The following SYT16 variants were observed in gnomAD, a reference collection of about 807,000 sequenced individuals.
The protein encoded by SYT16 is synaptotagmin 16.
Under a neutral mutation model 61.4 loss-of-function variants are expected in SYT16, and 42 were observed. The observed-to-expected ratio is 0.68, with a 90% CI of 0.53 to 0.89. The LOEUF (loss-of-function observed/expected upper bound fraction) is 0.89. SYT16 is among the 40% of genes least tolerant of loss of function. The probability of loss-of-function intolerance (pLI) is 0.00; values close to 1 mark genes in which losing one functional copy is unlikely to be tolerated. For missense variants in SYT16, 804 were observed against 807.3 expected (o/e 1.00, Z 0.05); for synonymous variants, 314 against 302.3 (o/e 1.04, Z -0.40).
intron 1 of SYT16, among the ~76,000 whole-genome samples, chr14:61,820,846 T>C (rs934954475): frequency 6.6e-6 from 1 of 152,212 alleles, no homozygotes; most frequent in African/African-American, 2.4e-5. Flanking sequence ...TTAAAAAAGC[T>C]TAATATGCTA....
chr14:61,907,741 TCA>T (rs1297482323), intron 1 of SYT16, among the ~76,000 whole-genome samples: 1 of 152,208 alleles, frequency 6.6e-6, no homozygotes, highest in Admixed American at 6.5e-5. Flanking sequence ...GTTTTATGAA[TCA>T]CACAGGTAAC....
intron 1 of SYT16, among the ~76,000 whole-genome samples, chr14:61,945,731 CT>C (rs1566704599): frequency 6.6e-6 from 1 of 151,814 alleles, no homozygotes; most frequent in African/African-American, 2.4e-5. Context: ...TGGCGGGTGC[CT>C]GTAGTCCCAG....
In SYT16 at chr14:61,832,054, C is replaced by G. The variant is rs148310364; in HGVS notation, c.-325+19244C>G. The G allele has an allele frequency of 1.3e-4, 94 of 709,976 alleles. No individual in the cohort carries two copies. The African/African-American group carries it at 1.5e-3, about 12-fold the overall frequency. 44.0% of individuals were successfully genotyped at this position (709,976 alleles called of 1,614,324 possible). On this transcript the variant is annotated intron_variant, in intron 1 of 7. Transcript: ENST00000683842. ...GTGAAGCCAAGGAAGAACATGGCAG[C>G]GCCCACAACCGTCTTCCACTCGTTC... is the stretch of plus-strand genomic sequence containing the variant.
At chr14:61,940,593 A>C (rs1444235796) in intron 1 of SYT16, among the ~76,000 whole-genome samples, 1 of 152,190 alleles carries the variant, frequency 6.6e-6, no homozygotes, top group Non-Finnish European at 1.5e-5. Context: ...TAATAATTTC[A>C]ATGTCTTAGG....
At chr14:61,833,839 TAAGGTGC>T (rs924069809) in intron 1 of SYT16, among the ~76,000 whole-genome samples, 22 of 151,650 alleles carry the variant, frequency 1.5e-4, no homozygotes, top group Non-Finnish European at 2.7e-4. Flanking sequence ...GACTGTTCTT[TAAGGTGC>T]AGGGCTTTAT....
Position 62,062,693 on chromosome 14 carries a change from T to A in SYT16, c.524-6910T>A, listed in dbSNP as rs183718713. Among the ~76,000 whole-genome samples the A allele has an allele frequency of 9.2e-4, 140 of 152,264 alleles. 1 individual carries two copies. The highest frequency in any genetic ancestry group is 4.6e-4 in the African/African-American group (19 of 41,564). On this transcript the variant is annotated intron_variant, in intron 3 of 7. Transcript: ENST00000683842. ...TTGATCTCCCTTCTGCTTTTTTTTT[T>A]ATCCTTATTTCTATCCTTATCCAAC...
At chr14:62,098,193 A>G (rs555267886) in intron 7 of SYT16, among the ~76,000 whole-genome samples, 1 of 152,348 alleles carries the variant, frequency 6.6e-6, no homozygotes, top group Non-Finnish European at 1.5e-5. Context: ...AATTACAGAG[A>G]TCTGCGTTTA....
intron 6 of SYT16, among the ~76,000 whole-genome samples, chr14:62,081,979 G>T (rs762066137): frequency 1.3e-5 from 2 of 152,206 alleles, no homozygotes; most frequent in Non-Finnish European, 2.9e-5. Flanking sequence ...AACTAAGCAG[G>T]CGATGCCTCT....
intron 1 of SYT16, among the ~76,000 whole-genome samples, chr14:61,939,452 G>C (rs974187013): frequency 1.3e-5 from 2 of 152,194 alleles, no homozygotes; most frequent in African/African-American, 2.4e-5. Context: ...TTTTCTCACA[G>C]TCCTGGAGGA....
At position 62,110,933 on chromosome 14, in the gene SYT16, C is replaced by A. The variant is rs2057597939; in HGVS notation, c.*10226C>A. The A allele has an allele frequency of 6.6e-6, 1 of 152,014 alleles. No individual in the cohort carries two copies. Among genetic ancestry groups the A allele is most frequent in the African/African-American group, 2.4e-5 (1 of 41,418 alleles). The allele number at this position is 152,014 out of a possible 1,614,324, so 9.4% of individuals were successfully genotyped here. A position where few individuals can be genotyped will look rare whatever the true frequency, so the allele number is the denominator to read the frequency against. ...ATCAAACTTGTCCATCTCTCCCCTC[C>A]CAAGTGACTTTCCTCACTCATGTAA... On this transcript the variant is annotated 3_prime_UTR_variant, in exon 8 of 8. Transcript: ENST00000683842.
At chr14:61,992,337 T>C (rs1370095385) in intron 2 of SYT16, among the ~76,000 whole-genome samples, 3 of 152,120 alleles carry the variant, frequency 2.0e-5, no homozygotes, top group Non-Finnish European at 2.9e-5. Context: ...CATAGGACTT[T>C]ACAGCGAGGA....
chr14:61,924,686 A>G (rs1184838642), intron 1 of SYT16, among the ~76,000 whole-genome samples: 1 of 152,106 alleles, frequency 6.6e-6, no homozygotes, highest in Non-Finnish European at 1.5e-5. Context: ...CCTCTTGCTT[A>G]TGAGAGACCT....
At chr14:62,012,001 TA>T (rs535698274) in intron 3 of SYT16, among the ~76,000 whole-genome samples, 2,780 of 113,884 alleles carry the variant, frequency 0.024, 49 homozygotes, top group South Asian at 0.036. Flanking sequence ...TCCTGCATGT[TA>T]AAAAAAAAAC....
chr14:61,920,672 C>A (rs2049299718), intron 1 of SYT16, among the ~76,000 whole-genome samples: 1 of 152,116 alleles, frequency 6.6e-6, no homozygotes. Flanking sequence ...TCTCTCACTC[C>A]CAAATTGTTG....
At chr14:61,913,595 A>G (rs961264370) in intron 1 of SYT16, among the ~76,000 whole-genome samples, 1 of 152,112 alleles carries the variant, frequency 6.6e-6, no homozygotes, top group Non-Finnish European at 1.5e-5. Context: ...ATGGAAATGA[A>G]AGAAAATATA....
chr14:62,100,543 A>T lies in SYT16; in HGVS notation c.1774A>T (p.Met592Leu). 6.2e-7 allele frequency: 1 copy of T among 1,613,842 alleles called. No individual in the cohort carries two copies. The highest frequency in any genetic ancestry group is 8.5e-7 in the Non-Finnish European group (1 of 1,179,840). ...ALFQLSDVTL[M>L]ISVYNRRTMK... ...CTTTCAGCTGTCTGATGTCACGTTG[A>T]TGATTTCCGTTTATAACAGGCGTAC... is the stretch of plus-strand genomic sequence containing the variant. The change falls in exon 8 of 8, where the codon ATG (methionine) becomes TTG (leucine). Residue 592 changes from methionine (M) to leucine (L), a missense_variant. Transcript: ENST00000683842.
chr14:62,078,751 A>T (rs2056603467), intron 5 of SYT16, among the ~76,000 whole-genome samples: 1 of 152,208 alleles, frequency 6.6e-6, no homozygotes, highest in Non-Finnish European at 1.5e-5. Context: ...CTTCACATAT[A>T]TTGGTGTCAA....
At chr14:62,056,408 G>A (rs142950934) in intron 3 of SYT16, among the ~76,000 whole-genome samples, 2,155 of 152,268 alleles carry the variant, frequency 0.014, 27 homozygotes, top group Middle Eastern at 0.024. Flanking sequence ...TTTGTACAAG[G>A]AATAGTCAGG....
At chr14:62,029,532 A>T (rs2054230334) in intron 3 of SYT16, among the ~76,000 whole-genome samples, 1 of 152,134 alleles carries the variant, frequency 6.6e-6, no homozygotes. Context: ...GACATGTTAC[A>T]CTTCCTTTCG....
Sources: allele counts gnomAD v4.1 joint callset (sites outside exome capture counted in the v4.1 genomes callset), GRCh38; gene constraint gnomAD v4.1.1; transcripts MANE v1.5; gene names NCBI Gene and HGNC (gene_info 2026-07-23, HGNC 2026-07-21).